Variants in LRP2 observed in about 807,000 individuals in gnomAD.
LRP2 encodes LDL receptor related protein 2.
In LRP2, 172 loss-of-function variants were observed where a neutral mutation model predicts 531.0. That is an observed-to-expected ratio of 0.32 (90% CI 0.29 to 0.37). LRP2 has a LOEUF of 0.37. Among genes scored for constraint, LRP2 ranks in the 10% least tolerant of loss-of-function variants. The pLI is 1.00. For missense variants in LRP2, 5,167 were observed against 5,868.3 expected, an observed-to-expected ratio of 0.88 and a Z score of 3.90; for synonymous variants, 1,992 against 2,027.6, an observed-to-expected ratio of 0.98 and a Z score of 0.47.
chr2:169,206,321 T>C lies in LRP2; in HGVS notation c.7390+9A>G. The C allele has an allele frequency of 1.2e-6, 2 of 1,613,676 alleles. No homozygotes were observed. The highest frequency in any genetic ancestry group is 1.7e-5 in the Admixed American group (1 of 59,964). ...CTTGCAGGACAAGCAGCACCTGGAG[T>C]GCACTTACCTGAAGCAATGACAGTT... On this transcript the variant is annotated intron_variant, in intron 39 of 78. Coordinates refer to ENST00000649046, the MANE Select transcript of LRP2 (RefSeq NM_004525.3).
chr2:169,148,258 A>C (rs1463536425), intron 68 of LRP2, among the ~76,000 whole-genome samples: 1 of 152,238 alleles, frequency 6.6e-6, no homozygotes, highest in Non-Finnish European at 1.5e-5. Flanking sequence ...AAATGTCCAG[A>C]ATAGGCAAAT....
At chr2:169,178,118 T>C in intron 52 of LRP2, 92 bp from the exon 53 acceptor site, 1 of 934,696 alleles carries the variant, frequency 1.1e-6, no homozygotes, top group East Asian at 2.6e-5. Context: ...TCAATAAAAT[T>C]CTACCTCCTA....
chr2:169,214,656 C>T (rs2052297), intron 35 of LRP2, among the ~76,000 whole-genome samples: 80,067 of 151,928 alleles, frequency 0.53, 21,810 homozygotes, highest in South Asian at 0.75. Flanking sequence ...AAACATGAGC[C>T]TGGAGGAGAG....
intron 45 of LRP2, among the ~76,000 whole-genome samples, chr2:169,197,980 T>C (rs1035594517): frequency 6.6e-6 from 1 of 152,206 alleles, no homozygotes; most frequent in Admixed American, 6.5e-5. Flanking sequence ...CTATTTACAC[T>C]AATAGTCTCA....
At chr2:169,315,959 C>CAAA (rs536458606) in intron 3 of LRP2, among the ~76,000 whole-genome samples, 611 of 70,354 alleles carry the variant, frequency 8.7e-3, no homozygotes, top group Non-Finnish European at 0.012. Context: ...CCCATCTCTA[C>CAAA]AAAAAAAAAA....
At chr2:169,155,389 G>A (rs1437891488) in intron 65 of LRP2, among the ~76,000 whole-genome samples, 2 of 152,112 alleles carry the variant, frequency 1.3e-5, no homozygotes, top group Non-Finnish European at 2.9e-5. Context: ...CTGTTCAAAT[G>A]CTTTCACTCT....
chr2:169,346,307 A>G (rs1200780051), intron 1 of LRP2, among the ~76,000 whole-genome samples: 1 of 152,212 alleles, frequency 6.6e-6, no homozygotes, highest in African/African-American at 2.4e-5. Flanking sequence ...TTCAATTTTT[A>G]AACCATGCAT....
At chr2:169,215,510 G>A (rs934554106) in intron 35 of LRP2, among the ~76,000 whole-genome samples, 1 of 152,036 alleles carries the variant, frequency 6.6e-6, no homozygotes, top group African/African-American at 2.4e-5. Context: ...TTTCGCATGT[G>A]CATTAATCAT....
intron 45 of LRP2, among the ~76,000 whole-genome samples, chr2:169,197,539 ACT>A (rs1688046525): frequency 6.6e-6 from 1 of 152,038 alleles, no homozygotes; most frequent in African/African-American, 2.4e-5. Flanking sequence ...TAAGTGGGAA[ACT>A]CTGCCTATGT....
chr2:169,244,394 G>C (rs1689925040), intron 22 of LRP2, among the ~76,000 whole-genome samples: 1 of 152,168 alleles, frequency 6.6e-6, no homozygotes, highest in South Asian at 2.1e-4. Context: ...TATATAAATA[G>C]ATAGCTGAGG....
intron 74 of LRP2, among the ~76,000 whole-genome samples, 188 bp from the exon 75 acceptor site, chr2:169,138,894 G>A (rs763784518): frequency 7.9e-5 from 12 of 152,128 alleles, no homozygotes; most frequent in Non-Finnish European, 1.3e-4. Context: ...ACCTGGAAAC[G>A]TTAAAGCACA....
In LRP2 at chr2:169,201,693, C is replaced by T. The variant is rs552943504; in HGVS notation, c.8387G>A (p.Arg2796His). The change falls in exon 44 of 79, where the codon CGT (arginine) becomes CAT (histidine). Residue 2796 changes from arginine to histidine, a missense_variant. Arg to His is a conservative substitution (Grantham distance 29, BLOSUM62 0). Coordinates refer to ENST00000649046, the MANE Select transcript of LRP2 (RefSeq NM_004525.3). Reference sequence around the variant, plus strand: ...GTCTACACCATTGCAGATAAACTCACGAGGTATGCACCTTCTGTTATTGCA... The same window carrying T: ...GTCTACACCATTGCAGATAAACTCATGAGGTATGCACCTTCTGTTATTGCA... ...FMCNNRRCIP[R>H]EFICNGVDNC... 25 of 1,614,168 alleles carry T rather than the reference C, an allele frequency of 1.5e-5. No individual in the cohort carries two copies. The highest frequency in any genetic ancestry group is 4.5e-5 in the East Asian group (2 of 44,882).
At chr2:169,276,052 G>C (rs1272861725) in intron 13 of LRP2, among the ~76,000 whole-genome samples, 1 of 151,960 alleles carries the variant, frequency 6.6e-6, no homozygotes, top group Non-Finnish European at 1.5e-5. Flanking sequence ...AGCATCCCCT[G>C]AAAACTAAAA....
chr2:169,144,335 C>T (rs2105345142), intron 70 of LRP2, among the ~76,000 whole-genome samples: 1 of 152,308 alleles, frequency 6.6e-6, no homozygotes, highest in East Asian at 1.9e-4. Flanking sequence ...TTTCAGAACT[C>T]TTGGTTCAAA....
chr2:169,309,681 G>T (rs1684536373), intron 3 of LRP2, among the ~76,000 whole-genome samples: 1 of 152,024 alleles, frequency 6.6e-6, no homozygotes, highest in Non-Finnish European at 1.5e-5. Flanking sequence ...TTGTTCTTTT[G>T]GCTTAGGATT....
At chr2:169,181,662 A>G (rs769905418) in intron 51 of LRP2, 44 bp from the exon 52 acceptor site, 16 of 1,577,670 alleles carry the variant, frequency 1.0e-5, no homozygotes, top group South Asian at 2.2e-5. Context: ...TGCCAAAAGA[A>G]GTCAGTAGCC....
At chr2:169,352,863 G>A (rs568872646) in intron 1 of LRP2, among the ~76,000 whole-genome samples, 180 of 151,868 alleles carry the variant, frequency 1.2e-3, no homozygotes, top group Non-Finnish European at 2.0e-3. Flanking sequence ...CACACACCGG[G>A]GCCTGTCAGG....
Position 169,142,773 on chromosome 2 carries a change from T to C in LRP2, c.13009A>G (p.Ile4337Val). The C allele has an allele frequency of 1.2e-6, 2 of 1,613,998 alleles. No individual in the cohort carries two copies. Among genetic ancestry groups the C allele is most frequent in the Non-Finnish European group, 1.7e-6 (2 of 1,179,922 alleles). Reference sequence around the variant, plus strand: ...CTCAGAAGGCAGAGGTGGCTGCAGATCTGTTTGCAAAGGTTGGGCACTGGA... The same window carrying C: ...CTCAGAAGGCAGAGGTGGCTGCAGACCTGTTTGCAAAGGTTGGGCACTGGA... The part of the protein sequence containing the change: ...NKSVPNLCKQ[I>V]CSHLCLLRPG... Residue 4337 changes from isoleucine (I) to valine (V), a missense_variant, in exon 71 of 79, where the codon ATC (isoleucine) becomes GTC (valine). Transcript: ENST00000649046.
At chr2:169,202,275 A>G (rs760656770) in intron 43 of LRP2, among the ~76,000 whole-genome samples, 2 of 152,184 alleles carry the variant, frequency 1.3e-5, no homozygotes, top group Non-Finnish European at 2.9e-5. Context: ...TATTCACTCT[A>G]TTCAGATGGA....
Sources: gnomAD v4.1 joint callset for allele counts (sites outside exome capture counted in the v4.1 genomes callset) on GRCh38, gnomAD v4.1.1 for gene constraint, MANE v1.5 for transcripts, NCBI Gene and HGNC (gene_info 2026-07-23, HGNC 2026-07-21) for gene names.